The following SYDE2 variants were observed in gnomAD, a reference collection of about 807,000 sequenced individuals.
The protein encoded by SYDE2 is synapse defective Rho GTPase homolog 2.
A neutral mutation model predicts 91.5 loss-of-function variants in SYDE2; 76 were observed. The ratio of observed to expected loss-of-function variants is 0.83; its 90% CI spans 0.69 to 1.01. The LOEUF (loss-of-function observed/expected upper bound fraction) is 1.01. Ranked by LOEUF, SYDE2 falls within the 50% of genes least tolerant of loss-of-function variation. The probability of loss-of-function intolerance (pLI) is 0.00; values close to 1 mark genes in which losing one functional copy is unlikely to be tolerated. For synonymous variants in SYDE2, 513 were observed against 506.4 expected (o/e 1.01, Z -0.18); for missense variants, 1,364 against 1,367.7 (o/e 1.00, Z 0.04).
At chr1:85,163,480 T>TATA (rs1216698478) in intron 6 of SYDE2, among the ~76,000 whole-genome samples, 7 of 134,648 alleles carry the variant, frequency 5.2e-5, no homozygotes, top group African/African-American at 2.1e-4. Context: ...TATATATATA[T>TATA]AACAAAAGAG....
chr1:85,188,175 C>G (rs1658226856), intron 2 of SYDE2, among the ~76,000 whole-genome samples: 1 of 152,062 alleles, frequency 6.6e-6, no homozygotes, highest in Non-Finnish European at 1.5e-5. Flanking sequence ...TATAGCCTTC[C>G]CTATCACTCC....
chr1:85,193,230 C>T (rs1658444067), intron 1 of SYDE2, among the ~76,000 whole-genome samples: 1 of 152,208 alleles, frequency 6.6e-6, no homozygotes, highest in Non-Finnish European at 1.5e-5. Context: ...ATGATTTTGC[C>T]AGGTGCACTG....
At chr1:85,179,799 G>A (rs1439043716) in intron 3 of SYDE2, among the ~76,000 whole-genome samples, 1 of 152,050 alleles carries the variant, frequency 6.6e-6, no homozygotes, top group Non-Finnish European at 1.5e-5. Flanking sequence ...GTGTCATAAA[G>A]TACCATACAA....
At chr1:85,181,021 A>G (rs1158595958) in intron 3 of SYDE2, 1 of 152,110 alleles carries the variant, frequency 6.6e-6, no homozygotes, top group Non-Finnish European at 1.5e-5. Flanking sequence ...GACAACACAA[A>G]CTGGAGACAG....
In SYDE2 at chr1:85,167,151, C is replaced by A. The variant is rs561037458; in HGVS notation, c.2853+1893G>T. Among the ~76,000 whole-genome samples the A allele has an allele frequency of 4.1e-5, 6 of 146,144 alleles. No homozygotes were observed. The South Asian group carries it at 1.3e-3, about 31-fold the overall frequency. On this transcript the variant is annotated intron_variant, in intron 5 of 6. Coordinates refer to ENST00000341460, the MANE Select transcript of SYDE2 (RefSeq NM_032184.2). The stretch of plus-strand genomic sequence containing the variant: ...ATGGCGTGAGCCGGGGAGGTTGAGG[C>A]TGCAGTGAGCTGTGTTTGCACCACC...
chr1:85,153,497 TCTC>T (rs1415332245), downstream of SYDE2: 3 of 152,190 alleles, frequency 2.0e-5, no homozygotes, highest in Non-Finnish European at 4.4e-5. Flanking sequence ...GGCATCCAAA[TCTC>T]CTTCTGCGAT....
chr1:85,188,679 C>G (rs1376093862), intron 2 of SYDE2, among the ~76,000 whole-genome samples: 1 of 152,158 alleles, frequency 6.6e-6, no homozygotes, highest in South Asian at 2.1e-4. Flanking sequence ...AATATAAACT[C>G]AGAATTATTC....
At chr1:85,174,603 A>G (rs1203631945) in intron 4 of SYDE2, among the ~76,000 whole-genome samples, 1 of 152,180 alleles carries the variant, frequency 6.6e-6, no homozygotes, top group African/African-American at 2.4e-5. Context: ...CTGAAGGTAG[A>G]GCTACAAATT....
At position 85,182,969 on chromosome 1, in the gene SYDE2, G is replaced by C; in HGVS notation, c.1673C>G (p.Thr558Ser). The change falls in exon 3 of 7, where the codon ACT (threonine) becomes AGT (serine). Residue 558 changes from threonine (T) to serine (S), a missense_variant. Thr to Ser is a moderately conservative substitution (Grantham distance 58). Coordinates refer to ENST00000341460, the MANE Select transcript of SYDE2 (RefSeq NM_032184.2). ...GCAGTTATATTTAGACAAAGAAGGAGTATTATCTGGACTGTTTATATAATT... is the reference window on the plus strand; with the variant it reads ...GCAGTTATATTTAGACAAAGAAGGACTATTATCTGGACTGTTTATATAATT... Reference protein sequence around the residue: ...TLNYINSPDNTPSLSKYNCRE... With the variant: ...TLNYINSPDNSPSLSKYNCRE... The C allele has an allele frequency of 6.2e-7, 1 of 1,613,764 alleles. No homozygotes were observed. The highest frequency in any genetic ancestry group is 8.5e-7 in the Non-Finnish European group (1 of 1,179,758).
intron 2 of SYDE2, among the ~76,000 whole-genome samples, chr1:85,186,227 T>C (rs946307249): frequency 5.9e-5 from 9 of 152,230 alleles, no homozygotes; most frequent in African/African-American, 1.9e-4. Flanking sequence ...TTTGCATCAA[T>C]GTTCATCAAG....
At chr1:85,194,860 A>G (rs1376900448) in intron 1 of SYDE2, 2 of 985,014 alleles carry the variant, frequency 2.0e-6, no homozygotes, top group Non-Finnish European at 2.4e-6. Flanking sequence ...TTCAACCCTC[A>G]TTGAAAATCT....
intron 5 of SYDE2, among the ~76,000 whole-genome samples, chr1:85,168,732 T>C (rs1657392158): frequency 6.6e-6 from 1 of 152,226 alleles, no homozygotes; most frequent in African/African-American, 2.4e-5. Context: ...TATTCTTCTT[T>C]TCTGTATCTT....
intron 4 of SYDE2, among the ~76,000 whole-genome samples, chr1:85,176,575 A>C (rs1657707244): frequency 6.6e-6 from 1 of 152,164 alleles, no homozygotes; most frequent in South Asian, 2.1e-4. Flanking sequence ...TTTAACCCAA[A>C]CAATTAATTT....
intron 4 of SYDE2, among the ~76,000 whole-genome samples, chr1:85,175,338 A>G (rs900025129): frequency 6.6e-6 from 1 of 152,088 alleles, no homozygotes; most frequent in Admixed American, 6.5e-5. Flanking sequence ...TGTTTCTACT[A>G]AAATACAAAA....
At position 85,158,683 on chromosome 1, in the gene SYDE2, T is replaced by C; in HGVS notation, c.*67A>G. The stretch of plus-strand genomic sequence containing the variant: ...AAAAAAATGAAAACATCGCTGTGGG[T>C]GGTATAAGAAAATAAAACAAAAACA... On this transcript the variant is annotated 3_prime_UTR_variant, in exon 7 of 7. Transcript: ENST00000341460. 1.6e-6 allele frequency: 1 copy of C among 628,224 alleles called. No individual in the cohort carries two copies. Among genetic ancestry groups the C allele is most frequent in the Non-Finnish European group, 2.9e-6 (1 of 350,372 alleles). The allele number at this position is 628,224 out of a possible 1,614,324, so 38.9% of individuals were successfully genotyped here.
chr1:85,200,928 G>A lies in SYDE2; in HGVS notation c.69C>T (p.Pro23=). The change falls in exon 1 of 7, where the codon CCC becomes CCT. Residue 23 remains proline (P), a synonymous_variant. Coordinates refer to ENST00000341460, the MANE Select transcript of SYDE2 (RefSeq NM_032184.2). Reference sequence around the variant, plus strand: ...GCTGGCCCGGAGCCCGGGCTCCCGCGGGGAAGCTGTGATCCGCCAAGCCCC... The same window carrying A: ...GCTGGCCCGGAGCCCGGGCTCCCGCAGGGAAGCTGTGATCCGCCAAGCCCC... The part of the protein sequence containing the change: ...GGRGLADHSF[P]AGARAPGQPP... 5.3e-6 allele frequency: 7 copies of A among 1,321,156 alleles called. No individual in the cohort carries two copies. Among genetic ancestry groups the A allele is most frequent in the Non-Finnish European group, 6.7e-6 (7 of 1,044,926 alleles). The allele number at this position is 1,321,156 out of a possible 1,614,324, so 81.8% of individuals were successfully genotyped here.
intron 1 of SYDE2, among the ~76,000 whole-genome samples, chr1:85,198,811 G>C (rs900107393): frequency 6.7e-6 from 1 of 150,132 alleles, no homozygotes; most frequent in East Asian, 1.9e-4. Context: ...AAGCCAAAGG[G>C]GGGGAGGTAA....
chr1:85,177,670 G>C (rs1657750621), intron 4 of SYDE2, among the ~76,000 whole-genome samples: 1 of 151,912 alleles, frequency 6.6e-6, no homozygotes, highest in Non-Finnish European at 1.5e-5. Flanking sequence ...TCCTTCCTCT[G>C]GTCTCTTCTA....
intron 1 of SYDE2, among the ~76,000 whole-genome samples, chr1:85,194,392 A>G (rs1192707831): frequency 1.3e-5 from 2 of 148,414 alleles, no homozygotes; most frequent in Middle Eastern, 3.5e-3. Flanking sequence ...TAAATTATAA[A>G]TTTTTTTGTA....
Sources: gnomAD v4.1 joint callset for allele counts (sites outside exome capture counted in the v4.1 genomes callset) on GRCh38, gnomAD v4.1.1 for gene constraint, MANE v1.5 for transcripts, NCBI Gene and HGNC (gene_info 2026-07-23, HGNC 2026-07-21) for gene names.